The following SPG11 variants were observed in gnomAD, a reference collection of about 807,000 sequenced individuals.
The protein encoded by SPG11 is SPG11 vesicle trafficking associated, spatacsin.
Under a neutral mutation model 274.0 loss-of-function variants are expected in SPG11, and 222 were observed. The observed-to-expected ratio is 0.81, with a 90% CI of 0.73 to 0.91. The LOEUF (loss-of-function observed/expected upper bound fraction) is 0.91, where lower values mean the gene tolerates loss of function less well. Among genes scored for constraint, SPG11 ranks in the 40% least tolerant of loss-of-function variants. The pLI is 0.00. For synonymous variants in SPG11, 1,144 were observed against 1,039.7 expected (o/e 1.10, Z -1.93); for missense variants, 3,114 against 2,872.7 (o/e 1.08, Z -1.92).
chr15:44,564,975 G>C (rs1251999106), intron 38 of SPG11, among the ~76,000 whole-genome samples: 1 of 152,154 alleles, frequency 6.6e-6, no homozygotes, highest in Non-Finnish European at 1.5e-5. Flanking sequence ...CTGGGCTCAA[G>C]ATCCTCCCGC....
At chr15:44,593,046 G>T (rs558724766) in intron 26 of SPG11, among the ~76,000 whole-genome samples, 5 of 151,622 alleles carry the variant, frequency 3.3e-5, no homozygotes, top group Admixed American at 6.6e-5. Context: ...GTACGTTAAA[G>T]TTAAATATAA....
intron 7 of SPG11, among the ~76,000 whole-genome samples, chr15:44,641,922 G>GAAAAAAAAA (rs71111874): frequency 1.1e-4 from 6 of 55,872 alleles, no homozygotes; most frequent in Middle Eastern, 0.014. Flanking sequence ...CTGCTTAACA[G>GAAAAAAAAA]AAAAAAAAAA....
intron 7 of SPG11, among the ~76,000 whole-genome samples, chr15:44,639,324 G>A: frequency 6.7e-6 from 1 of 150,014 alleles, no homozygotes; most frequent in Non-Finnish European, 1.5e-5. Context: ...GAGAGACAGA[G>A]AGAGAGCGTG....
Position 44,564,579 on chromosome 15 carries a change from T to C in SPG11, c.7119A>G (p.Leu2373=), listed in dbSNP as rs935591045. The C allele has an allele frequency of 1.9e-6, 3 of 1,614,004 alleles. No homozygotes were observed. Among genetic ancestry groups the C allele is most frequent in the South Asian group, 1.1e-5 (1 of 91,084 alleles). Residue 2373 remains leucine, a synonymous_variant, in exon 39 of 40, where the codon TTA becomes TTG. Transcript: ENST00000261866. Reference sequence around the variant, plus strand: ...AAATCTCTTCAAATATACTGGACTTTAATAACCTTTGCTGCTTAAATTCTT... The same window carrying C: ...AAATCTCTTCAAATATACTGGACTTCAATAACCTTTGCTGCTTAAATTCTT... The part of the protein sequence containing the change: ...YLEEFKQQRL[L]KSSIFEEISK...
intron 4 of SPG11, among the ~76,000 whole-genome samples, chr15:44,653,025 T>A (rs2141110677): frequency 6.6e-6 from 1 of 151,940 alleles, no homozygotes; most frequent in Admixed American, 6.6e-5. Context: ...TGGGTATAGG[T>A]GGGAGAGTAT....
At chr15:44,566,653 T>A (rs895477829) in intron 36 of SPG11, among the ~76,000 whole-genome samples, 1 of 152,120 alleles carries the variant, frequency 6.6e-6, no homozygotes, top group African/African-American at 2.4e-5. Context: ...AAAGTCTCCA[T>A]TCCATCTGTC....
chr15:44,590,066 C>A (rs1168088338), intron 27 of SPG11, among the ~76,000 whole-genome samples: 5 of 152,174 alleles, frequency 3.3e-5, no homozygotes, highest in Admixed American at 2.6e-4. Flanking sequence ...CTTGGCCTCC[C>A]AAAGTGCTGG....
At chr15:44,578,405 A>C (rs2082590359) in intron 30 of SPG11, among the ~76,000 whole-genome samples, 1 of 151,588 alleles carries the variant, frequency 6.6e-6, no homozygotes. Flanking sequence ...CTTTTGCATT[A>C]CCCTCCTGTC....
chr15:44,573,995 T>A (rs1389303553), intron 31 of SPG11, among the ~76,000 whole-genome samples: 1 of 152,084 alleles, frequency 6.6e-6, no homozygotes, highest in African/African-American at 2.4e-5. Context: ...TGGACACTTA[T>A]TTTTTTGGCG....
At chr15:44,659,666 T>C (rs2141127867) in intron 2 of SPG11, among the ~76,000 whole-genome samples, 1 of 152,274 alleles carries the variant, frequency 6.6e-6, no homozygotes, top group South Asian at 2.1e-4. Context: ...GCTTTAAAAA[T>C]AGAGGCCTGA....
chr15:44,575,211 C>T (rs375119799), intron 30 of SPG11, 170 bp from the exon 31 acceptor site: 2 of 749,350 alleles, frequency 2.7e-6, no homozygotes, highest in East Asian at 5.5e-5. Flanking sequence ...TTTCATTGCC[C>T]TCTTCCAGGA....
In SPG11 at chr15:44,589,421, AAG is replaced by A; in HGVS notation, c.4744-9_4744-8del. On this transcript the variant is annotated splice_polypyrimidine_tract_variant and splice_region_variant and intron_variant, in intron 27 of 39. Coordinates refer to ENST00000261866, the MANE Select transcript of SPG11 (RefSeq NM_025137.4). ...TTGTGGCTGCTGTGTTAAGCTATGA[AAG>A]AAAAAGAGAAGCTTAGGGAAAGCAG... 6.2e-7 allele frequency: 1 copy of A among 1,614,028 alleles called. No individual in the cohort carries two copies. The highest frequency in any genetic ancestry group is 1.1e-5 in the South Asian group (1 of 91,080).
At chr15:44,660,752 A>T in intron 1 of SPG11, 136 bp from the exon 2 acceptor site, 1 of 826,812 alleles carries the variant, frequency 1.2e-6, no homozygotes, top group East Asian at 2.7e-5. Context: ...TCAATCTAAG[A>T]GAACATAAAC....
At chr15:44,593,929 C>CT (rs1391243093) in intron 26 of SPG11, among the ~76,000 whole-genome samples, 2,663 of 138,792 alleles carry the variant, frequency 0.019, 87 homozygotes, top group African/African-American at 0.065. Context: ...TTTTTCTTTT[C>CT]TTTTTTTTTT....
intron 35 of SPG11, among the ~76,000 whole-genome samples, chr15:44,568,628 C>A (rs2082355041): frequency 6.6e-6 from 1 of 152,234 alleles, no homozygotes; most frequent in East Asian, 1.9e-4. Context: ...CCTTCCTGTT[C>A]ATCATCATAA....
chr15:44,575,184 G>A, intron 30 of SPG11, 143 bp from the exon 31 acceptor site: 3 of 992,700 alleles, frequency 3.0e-6, no homozygotes, highest in Non-Finnish European at 4.4e-6. Context: ...CTGCTGACAG[G>A]GCCCCACCTC....
intron 8 of SPG11, among the ~76,000 whole-genome samples, chr15:44,631,047 T>C (rs2084047180): frequency 6.6e-6 from 1 of 152,196 alleles, no homozygotes; most frequent in African/African-American, 2.4e-5. Flanking sequence ...ATACAACTTT[T>C]GAAGGACAAT....
rs12907846 is a variant in SPG11, at chr15:44,629,399, A to G, written c.1736-11T>C. 2 of 1,613,740 alleles carry G rather than the reference A, an allele frequency of 1.2e-6. No individual in the cohort carries two copies. Among genetic ancestry groups the G allele is most frequent in the South Asian group, 2.2e-5 (2 of 91,064 alleles). On this transcript the variant is annotated splice_polypyrimidine_tract_variant and intron_variant, in intron 8 of 39. Transcript: ENST00000261866. ...TCAGCTCTTCCACATCTGAGAAAGA[A>G]CCAAAGAAATTAACATAAAGAACAC... is the stretch of plus-strand genomic sequence containing the variant.
At chr15:44,634,575 C>T (rs1478341339) in intron 7 of SPG11, among the ~76,000 whole-genome samples, 4 of 151,988 alleles carry the variant, frequency 2.6e-5, no homozygotes, top group African/African-American at 4.8e-5. Context: ...TGAGCCACTG[C>T]GCCCAGCCAG....
Sources: allele counts gnomAD v4.1 joint callset (sites outside exome capture counted in the v4.1 genomes callset), GRCh38; gene constraint gnomAD v4.1.1; transcripts MANE v1.5; gene names NCBI Gene and HGNC (gene_info 2026-07-23, HGNC 2026-07-21).